SCN9A: variants seen among roughly 807,000 people sequenced by gnomAD.
The protein encoded by SCN9A is sodium channel protein type 9 subunit alpha.
Under a neutral mutation model 187.0 loss-of-function variants are expected in SCN9A, and 131 were observed. That is an observed-to-expected ratio of 0.70 (90% CI 0.61 to 0.81). SCN9A has a LOEUF of 0.81. Ranked by LOEUF, SCN9A falls within the 30% of genes least tolerant of loss-of-function variation. The probability of loss-of-function intolerance (pLI) is 0.00; values close to 1 mark genes in which losing one functional copy is unlikely to be tolerated. For missense variants in SCN9A, 2,252 were observed against 2,396.6 expected (o/e 0.94, Z 1.26); for synonymous variants, 809 against 808.6 (o/e 1.00, Z -0.01).
At chr2:166,311,382 T>TATATA (rs1559034538) in intron 2 of SCN9A, 117 bp downstream of exon 2, 16 of 83,524 alleles carry the variant, frequency 1.9e-4, no homozygotes, top group Non-Finnish European at 2.2e-4. Flanking sequence ...ATATATTTAA[T>TATATA]TTAACATTCT....
chr2:166,217,892 A>G (rs1694404350), intron 24 of SCN9A, among the ~76,000 whole-genome samples: 1 of 152,088 alleles, frequency 6.6e-6, no homozygotes, highest in Admixed American at 6.6e-5. Flanking sequence ...CTTTAGAGGA[A>G]TTAAAATCGT....
chr2:166,289,960 A>T (rs1424999629), intron 9 of SCN9A, among the ~76,000 whole-genome samples: 1 of 152,148 alleles, frequency 6.6e-6, no homozygotes, highest in Non-Finnish European at 1.5e-5. Context: ...CAGGTTGGTT[A>T]CACAGGTATA....
At position 166,281,747 on chromosome 2, in the gene SCN9A, A is replaced by G. The variant is rs781392805; in HGVS notation, c.2036T>C (p.Met679Thr). Residue 679 changes from methionine (M) to threonine (T), a missense_variant, in exon 13 of 27, where the codon ATG becomes ACG. By Grantham distance (81) the Met-to-Thr change is moderately conservative. Around this residue, in one of 7 missense-constraint regions of SCN9A, gnomAD observed 1,013 missense variants for 997.4 expected, o/e 1.02. Transcript: ENST00000642356. ...CTGTCTGAGGTTGGGATCATTCAGC[A>G]TATCCTCTGAAAGGAGATAGGAACT... is the stretch of plus-strand genomic sequence containing the variant. ...RCSSYLLSEDMLNDPNLRQRA... is the reference protein window; with the variant it reads ...RCSSYLLSEDTLNDPNLRQRA... 6.2e-7 allele frequency: 1 copy of G among 1,613,120 alleles called. No homozygotes were observed. Among genetic ancestry groups the G allele is most frequent in the Non-Finnish European group, 8.5e-7 (1 of 1,179,382 alleles).
intron 12 of SCN9A, 93 bp from the exon 13 acceptor site, chr2:166,281,901 T>C (rs1697509026): frequency 8.6e-7 from 1 of 1,166,778 alleles, no homozygotes; most frequent in Admixed American, 2.4e-5. Context: ...TAGTGAGTAA[T>C]TAAAAGTAGA....
intron 21 of SCN9A, among the ~76,000 whole-genome samples, chr2:166,232,478 C>T (rs79900098): frequency 2.0e-5 from 3 of 152,164 alleles, no homozygotes; most frequent in Admixed American, 6.5e-5. Context: ...ATGCTCCTTA[C>T]CCAGGTAGTT....
rs113138327 is a variant in SCN9A, at chr2:166,263,784, G to A, written c.3351+8615C>T. Among the ~76,000 whole-genome samples the A allele has an allele frequency of 4.3e-4, 66 of 152,066 alleles. 1 individual carries two copies. Among genetic ancestry groups the A allele is most frequent in the African/African-American group, 1.4e-3 (59 of 41,540 alleles). On this transcript the variant is annotated intron_variant, in intron 17 of 26. Coordinates refer to ENST00000642356, the MANE Select transcript of SCN9A (RefSeq NM_001365536.1). Reference sequence around the variant, plus strand: ...GGGGTCCTTATAAGAAGAAAAGACCGAGACACACAGGGAGAAAACTACGTG... The same window carrying A: ...GGGGTCCTTATAAGAAGAAAAGACCAAGACACACAGGGAGAAAACTACGTG...
chr2:166,277,243 C>A lies in SCN9A; in HGVS notation c.2614G>T (p.Val872Leu). ...AAAATGAAGACGATGATGGCCAACA[C>A]TAAGGTGAGGTTACCTAGAGCCCCT... ...SVGALGNLTL[V>L]LAIIVFIFAV... The change falls in exon 16 of 27, where the codon GTG becomes TTG. Residue 872 changes from valine (V) to leucine (L), a missense_variant. Val to Leu is a conservative substitution (Grantham distance 32). Around this residue, in one of 7 missense-constraint regions of SCN9A, gnomAD observed 119 missense variants for 188.7 expected, o/e 0.63. Transcript: ENST00000642356. 6.2e-7 allele frequency: 1 copy of A among 1,614,084 alleles called. No homozygotes were observed. Among genetic ancestry groups the A allele is most frequent in the Non-Finnish European group, 8.5e-7 (1 of 1,179,978 alleles).
chr2:166,313,144 A>T (rs1699020229), intron 1 of SCN9A, among the ~76,000 whole-genome samples: 1 of 150,430 alleles, frequency 6.6e-6, no homozygotes, highest in Non-Finnish European at 1.5e-5. Context: ...TAATTTTCTG[A>T]ATAGTAAATA....
intron 1 of SCN9A, among the ~76,000 whole-genome samples, chr2:166,318,263 C>T (rs1699156685): frequency 6.6e-6 from 1 of 152,118 alleles, no homozygotes; most frequent in African/African-American, 2.4e-5. Context: ...GCCTGCCTGT[C>T]AGTACACCAT....
chr2:166,248,970 C>G (rs1482672474), intron 18 of SCN9A, among the ~76,000 whole-genome samples: 1 of 152,008 alleles, frequency 6.6e-6, no homozygotes, highest in African/African-American at 2.4e-5. Context: ...CACCCAGCCT[C>G]TGACCTTAAC....
At chr2:166,365,263 A>C (rs1221563375) in intron 1 of SCN9A, among the ~76,000 whole-genome samples, 3 of 152,200 alleles carry the variant, frequency 2.0e-5, no homozygotes. Flanking sequence ...TAAATAGTAA[A>C]TCAGTACATA....
intron 16 of SCN9A, among the ~76,000 whole-genome samples, chr2:166,275,571 G>A (rs979701084): frequency 3.6e-5 from 5 of 137,810 alleles, no homozygotes; most frequent in South Asian, 2.4e-4. Context: ...GCAACAAAGC[G>A]AGATTCCATC....
chr2:166,244,096 G>A (rs1695682135), intron 18 of SCN9A, among the ~76,000 whole-genome samples: 2 of 152,120 alleles, frequency 1.3e-5, no homozygotes, highest in African/African-American at 2.4e-5. Flanking sequence ...ACAGGAGGAG[G>A]AGCTGACTCG....
At position 166,349,683 on chromosome 2, in the gene SCN9A, A is replaced by G. The variant is rs189793333; in HGVS notation, c.-51+26014T>C. On this transcript the variant is annotated intron_variant, in intron 1 of 26. Coordinates refer to ENST00000642356, the MANE Select transcript of SCN9A (RefSeq NM_001365536.1). ...GGCTAGAGTTGCCGTGTATATAACA[A>G]TACCTCAGACCGGGCATGGTGGCTC... Among the ~76,000 whole-genome samples, 217 of 152,238 alleles carry G rather than the reference A, an allele frequency of 1.4e-3. 2 individuals are homozygous for G. Among genetic ancestry groups the G allele is most frequent in the African/African-American group, 5.0e-3 (206 of 41,566 alleles).
In SCN9A at chr2:166,284,805, C is replaced by A. The variant is rs545101943; in HGVS notation, c.1622G>T (p.Gly541Val). 1 of 1,611,040 alleles carries A rather than the reference C, an allele frequency of 6.2e-7. No individual in the cohort carries two copies. The highest frequency in any genetic ancestry group is 1.3e-5 in the African/African-American group (1 of 74,902). Residue 541 changes from glycine (G) to valine (V), a missense_variant, in exon 12 of 27, where the codon GGC becomes GTC. Transcript: ENST00000642356. ...GCTTCGCCTTGCAGAAAACAAGGAG[C>A]CACGAATGCTGAGTGGTGACTGCAG... Reference protein sequence around the residue: ...TPNQSPLSIRGSLFSARRSSR... With the variant: ...TPNQSPLSIRVSLFSARRSSR...
intron 24 of SCN9A, among the ~76,000 whole-genome samples, chr2:166,217,865 T>A (rs570564706): frequency 6.6e-6 from 1 of 152,140 alleles, no homozygotes; most frequent in East Asian, 1.9e-4. Context: ...AGGTATATAG[T>A]GGTATATATT....
At chr2:166,371,848 T>C (rs1169778881) in intron 1 of SCN9A, among the ~76,000 whole-genome samples, 1 of 152,098 alleles carries the variant, frequency 6.6e-6, no homozygotes, top group Non-Finnish European at 1.5e-5. Flanking sequence ...TTTTTAAAAA[T>C]CCCTGCTCAC....
At chr2:166,251,189 T>G (rs1696020085) in intron 18 of SCN9A, among the ~76,000 whole-genome samples, 1 of 151,886 alleles carries the variant, frequency 6.6e-6, no homozygotes, top group Admixed American at 6.6e-5. Context: ...ACCTCAGAGC[T>G]TCAGAATAAG....
At chr2:166,253,079 T>C (rs551644386) in intron 17 of SCN9A, among the ~76,000 whole-genome samples, 37 of 152,056 alleles carry the variant, frequency 2.4e-4, no homozygotes, top group Middle Eastern at 3.4e-3. Context: ...ATTAATATGA[T>C]AGCCCAATCT....
Sources: gnomAD v4.1 joint callset for allele counts (sites outside exome capture counted in the v4.1 genomes callset) on GRCh38, gnomAD v4.1.1 for gene constraint, gnomAD v4.1.1 regional missense constraint, MANE v1.5 for transcripts, NCBI Gene and HGNC (gene_info 2026-07-23, HGNC 2026-07-21) for gene names.